ATM: variants seen among roughly 807,000 people sequenced by gnomAD.
ATM encodes the protein serine-protein kinase ATM.
ATM carries 308 observed loss-of-function variants against 387.0 expected under a neutral mutation model. The observed-to-expected ratio is 0.80, with a 90% CI of 0.73 to 0.87. The LOEUF is 0.87. ATM is among the 40% of genes least tolerant of loss of function. The pLI, the probability that ATM is intolerant of heterozygous loss-of-function variation, is 0.00. For synonymous variants in ATM, 1,156 were observed against 1,187.3 expected (o/e 0.97, Z 0.54); for missense variants, 3,312 against 3,560.9 (o/e 0.93, Z 1.78).
intron 47 of ATM, among the ~76,000 whole-genome samples, chr11:108,326,990 T>C (rs1261238230): frequency 6.6e-6 from 1 of 152,102 alleles, no homozygotes; most frequent in Non-Finnish European, 1.5e-5. Context: ...CATGCCCAGC[T>C]AATTTTTTTG....
At chr11:108,224,743 C>T (rs1321969710) in intron 1 of ATM, 1 of 152,178 alleles carries the variant, frequency 6.6e-6, no homozygotes, top group African/African-American at 2.4e-5. Flanking sequence ...AAATGATTCT[C>T]TCTACAGTTA....
intron 22 of ATM, among the ~76,000 whole-genome samples, chr11:108,278,135 A>C (rs1035144692): frequency 2.6e-5 from 4 of 152,202 alleles, no homozygotes; most frequent in Admixed American, 2.6e-4. Context: ...AGATTACTAT[A>C]TTGTTCAGCA....
intron 5 of ATM, among the ~76,000 whole-genome samples, chr11:108,238,633 C>G (rs1011303837): frequency 1.3e-5 from 2 of 151,906 alleles, no homozygotes; most frequent in African/African-American, 4.8e-5. Flanking sequence ...ATTTTGGGAC[C>G]TTGCTAAAAT....
rs1033110152 is a variant in ATM, at chr11:108,304,860, A to G, written c.5674+8A>G. The G allele has an allele frequency of 5.6e-6, 9 of 1,613,430 alleles. No homozygotes were observed. The highest frequency in any genetic ancestry group is 7.6e-6 in the Non-Finnish European group (9 of 1,179,756). On this transcript the variant is annotated splice_region_variant and intron_variant, in intron 37 of 62. Transcript: ENST00000675843. ...CTGCAAACTTGGATTCAGGTATTCT[A>G]TTAAATTTTTAACATTAATACTGTA...
At chr11:108,275,835 T>C (rs1018024727) in intron 22 of ATM, among the ~76,000 whole-genome samples, 1 of 152,190 alleles carries the variant, frequency 6.6e-6, no homozygotes, top group Non-Finnish European at 1.5e-5. Flanking sequence ...CTGATGATTA[T>C]GTGTCTTGGG....
Position 108,252,021 on chromosome 11 carries a change from A to G in ATM, c.1792A>G (p.Ile598Val), listed in dbSNP as rs730881343. The G allele has an allele frequency of 1.2e-5, 19 of 1,611,888 alleles. No homozygotes were observed. The highest frequency in any genetic ancestry group is 1.4e-5 in the Non-Finnish European group (17 of 1,179,480). Reference protein sequence around the residue: ...DLENSTEVPPILHSNFPHLVL... With the variant: ...DLENSTEVPPVLHSNFPHLVL... ...AGAAAATAGCACAGAAGTGCCTCCA[A>G]TTCTTCACAGGTAATTTAAGTTCAT... Residue 598 changes from isoleucine to valine, a missense_variant, in exon 11 of 63, where the codon ATT (isoleucine) becomes GTT (valine). This residue lies in a region of ATM where 1,791 missense variants were observed against 1,804.5 expected (regional missense o/e 0.99). Transcript: ENST00000675843.
At position 108,304,655 on chromosome 11, in the gene ATM, G is replaced by T. The variant is rs2083587949; in HGVS notation, c.5497-20G>T. 8.1e-6 allele frequency: 13 copies of T among 1,610,262 alleles called. No homozygotes were observed. The highest frequency in any genetic ancestry group is 1.1e-5 in the Non-Finnish European group (13 of 1,176,974). The stretch of plus-strand genomic sequence containing the variant: ...TCATTTTTACTCAAACTATTGGGTG[G>T]ATTTGTTTGTATATTCTAGGTGAAA... On this transcript the variant is annotated intron_variant, in intron 36 of 62. Coordinates refer to ENST00000675843, the MANE Select transcript of ATM (RefSeq NM_000051.4).
chr11:108,329,417 T>C, intron 49 of ATM, 179 bp downstream of exon 49: 3 of 625,570 alleles, frequency 4.8e-6, no homozygotes, highest in Middle Eastern at 4.4e-4. Flanking sequence ...TTTTTTGTTT[T>C]TTTTTTTGAG....
intron 6 of ATM, 95 bp from the exon 7 acceptor site, chr11:108,244,692 GT>G (rs1221843492): frequency 4.3e-5 from 41 of 955,942 alleles, no homozygotes; most frequent in Admixed American, 6.0e-5. Flanking sequence ...TTAGGGTTTT[GT>G]TTTTTTTTCT....
At chr11:108,260,836 A>G (rs2080826234) in intron 16 of ATM, among the ~76,000 whole-genome samples, 2 of 152,200 alleles carry the variant, frequency 1.3e-5, no homozygotes, top group South Asian at 4.1e-4. Flanking sequence ...AGGAAGTGCA[A>G]GGGGTCAGGG....
chr11:108,302,696 A>G (rs941804218), intron 35 of ATM, among the ~76,000 whole-genome samples, 157 bp from the exon 36 acceptor site: 5 of 152,156 alleles, frequency 3.3e-5, no homozygotes, highest in Admixed American at 3.3e-4. Flanking sequence ...TTGTATAAAC[A>G]TAAATGTTTT....
intron 32 of ATM, chr11:108,295,728 C>G (rs1296821483): frequency 6.6e-6 from 1 of 152,360 alleles, no homozygotes; most frequent in Non-Finnish European, 1.5e-5. Flanking sequence ...ACTATCTTAG[C>G]TCACTGCAAC....
At chr11:108,328,350 G>A (rs1417654370) in intron 48 of ATM, among the ~76,000 whole-genome samples, 1 of 152,142 alleles carries the variant, frequency 6.6e-6, no homozygotes, top group East Asian at 1.9e-4. Flanking sequence ...GGGTTCAAGC[G>A]ATTCTCCTGC....
chr11:108,333,831 ACCT>A (rs2086536700), intron 53 of ATM, 52 bp from the exon 54 acceptor site: 1 of 1,360,166 alleles, frequency 7.4e-7, no homozygotes, highest in African/African-American at 1.4e-5. Flanking sequence ...TTCCTGCTTG[ACCT>A]TCAATGCTGT....
Position 108,257,596 on chromosome 11 carries a change from A to G in ATM, c.2366A>G (p.Asn789Ser), listed in dbSNP as rs1591546766. ...MMQLCTRCLS[N>S]CTKKSPNKIA... ...CAGCTATGTACACGTTGCTTGAGCA[A>G]CTGTACCAAGGTAAGATTTTCTTCT... The change falls in exon 15 of 63, where the codon AAC becomes AGC. Residue 789 changes from asparagine to serine, a missense_variant. Asn to Ser is a conservative substitution (Grantham distance 46). Coordinates refer to ENST00000675843, the MANE Select transcript of ATM (RefSeq NM_000051.4). 6.2e-7 allele frequency: 1 copy of G among 1,613,662 alleles called. No individual in the cohort carries two copies. Among genetic ancestry groups the G allele is most frequent in the Non-Finnish European group, 8.5e-7 (1 of 1,179,946 alleles).
chr11:108,235,617 G>T (rs2135119476), intron 4 of ATM, 53 bp from the exon 5 acceptor site: 8 of 1,445,018 alleles, frequency 5.5e-6, no homozygotes, highest in Non-Finnish European at 7.7e-6. Context: ...CATTCCAAGT[G>T]TCTTATTTTT....
At chr11:108,261,643 G>C (rs914844456) in intron 16 of ATM, among the ~76,000 whole-genome samples, 5 of 152,184 alleles carry the variant, frequency 3.3e-5, no homozygotes, top group African/African-American at 1.2e-4. Context: ...GAATGACTTT[G>C]ACGAGCTGAG....
intron 38 of ATM, chr11:108,308,772 G>C (rs1184330332): frequency 2.5e-5 from 12 of 476,762 alleles, no homozygotes; most frequent in Non-Finnish European, 4.2e-5. Context: ...TAATTCCTAT[G>C]TAGTCTTAAA....
rs2136379535 is a variant in ATM at position 108,327,753 on chromosome 11, G to C, written c.7084G>C (p.Glu2362Gln). The C allele has an allele frequency of 6.2e-7, 1 of 1,612,794 alleles. No homozygotes were observed. Among genetic ancestry groups the C allele is most frequent in the East Asian group, 2.2e-5 (1 of 44,802 alleles). ...NPAVIMQTYL[E>Q]KAVEVAGNYD... ...TGCGGTCATCATGCAGACCTATCTA[G>C]AAAAGGTAAGATTTTTGGAGCAACC... is the stretch of plus-strand genomic sequence containing the variant. Residue 2362 changes from glutamate to glutamine, a missense_variant, in exon 48 of 63, where the codon GAA becomes CAA. Transcript: ENST00000675843.
Sources: gnomAD v4.1 joint callset for allele counts (sites outside exome capture counted in the v4.1 genomes callset) on GRCh38, gnomAD v4.1.1 for gene constraint, gnomAD v4.1.1 regional missense constraint, MANE v1.5 for transcripts, NCBI Gene and HGNC (gene_info 2026-07-23, HGNC 2026-07-21) for gene names.